Variants in DIAPH2 observed in about 807,000 individuals in gnomAD.
The protein encoded by DIAPH2 is diaphanous related formin 2.
In DIAPH2, 35 loss-of-function variants were observed where a neutral mutation model predicts 92.7. That is an observed-to-expected ratio of 0.38 (90% CI 0.29 to 0.50). DIAPH2 has a LOEUF of 0.50. Among genes scored for constraint, DIAPH2 ranks in the 20% least tolerant of loss-of-function variants. The pLI is 0.94. For missense variants in DIAPH2, 701 were observed against 819.5 expected, an observed-to-expected ratio of 0.86 and a Z score of 1.77; for synonymous variants, 301 against 280.4, an observed-to-expected ratio of 1.07 and a Z score of -0.73.
rs113168080 is a variant in DIAPH2, at chrX:97,599,177, T to G, written c.3242-76T>G. On this transcript the variant is annotated intron_variant, in intron 26 of 26. Coordinates refer to ENST00000324765, the MANE Select transcript of DIAPH2 (RefSeq NM_006729.5). ...TTTTTCAGGACTATTTGAAAACCTT[T>G]CTCAACCTAACATCATGTAATAGCA... The G allele has an allele frequency of 4.0e-4, 283 of 714,530 alleles. No individual in the cohort carries two copies. In the African/African-American group the frequency reaches 5.4e-3, roughly 14 times the overall value. 58.9% of individuals were successfully genotyped at this position (714,530 alleles called of 1,213,427 possible).
At chrX:97,150,505 C>A (rs1234540650) in intron 22 of DIAPH2, among the ~76,000 whole-genome samples, 1 of 111,596 alleles carries the variant, frequency 9.0e-6, no homozygotes, top group Non-Finnish European at 1.9e-5. Context: ...ATCTGTCTTA[C>A]CCTCCTTGTC....
chrX:97,470,218 T>TAC (rs766563577), intron 26 of DIAPH2, among the ~76,000 whole-genome samples: 362 of 111,666 alleles, frequency 3.2e-3, no homozygotes, highest in African/African-American at 0.011. Flanking sequence ...CATGCACACA[T>TAC]ACACACACAC....
At chrX:96,823,569 T>TA (rs2064792620) in intron 4 of DIAPH2, among the ~76,000 whole-genome samples, 1 of 109,847 alleles carries the variant, frequency 9.1e-6, no homozygotes, top group Admixed American at 9.7e-5. Flanking sequence ...TGGTGATTTT[T>TA]AAATTTTCTT....
chrX:97,168,229 G>A (rs6615888), intron 22 of DIAPH2, among the ~76,000 whole-genome samples: 32,218 of 107,918 alleles, frequency 0.3, 4,408 homozygotes, highest in East Asian at 0.6. Context: ...GGGATTACAG[G>A]CGGGTGCCAC....
intron 17 of DIAPH2, among the ~76,000 whole-genome samples, chrX:96,998,437 T>C (rs1602701481): frequency 9.0e-6 from 1 of 111,721 alleles, no homozygotes; most frequent in East Asian, 2.8e-4. Context: ...AAAAAAATGA[T>C]AATGCTCAGT....
intron 26 of DIAPH2, among the ~76,000 whole-genome samples, chrX:97,443,173 T>C (rs912564306): frequency 8.9e-6 from 1 of 112,032 alleles, no homozygotes; most frequent in Non-Finnish European, 1.9e-5. Context: ...AGTGCTAAGA[T>C]TACAAGCGTG....
intron 22 of DIAPH2, among the ~76,000 whole-genome samples, chrX:97,227,900 A>T (rs1037490952): frequency 2.2e-4 from 24 of 111,066 alleles, no homozygotes; most frequent in African/African-American, 4.6e-4. Context: ...AATTAAAAAA[A>T]TTTTTTTTCA....
intron 3 of DIAPH2, among the ~76,000 whole-genome samples, chrX:96,739,708 ACTATTC>A (rs2064107897): frequency 8.9e-6 from 1 of 111,824 alleles, no homozygotes; most frequent in Admixed American, 9.5e-5. Flanking sequence ...ATTTTCCTTG[ACTATTC>A]CTTCCATCTA....
Position 96,795,967 on chromosome X carries a change from A to G in DIAPH2, c.447+37709A>G, listed in dbSNP as rs937114492. Among the ~76,000 whole-genome samples, 50 of 111,002 alleles carry G rather than the reference A, an allele frequency of 4.5e-4. 1 individual carries two copies. The highest frequency in any genetic ancestry group is 1.5e-3 in the African/African-American group (47 of 30,511). On this transcript the variant is annotated intron_variant, in intron 4 of 26. Transcript: ENST00000324765. ...TTGTGTCTGCAGTTTTCACATCTGG[A>G]GACACAACCAACGGAGAAATAGTGG...
intron 4 of DIAPH2, among the ~76,000 whole-genome samples, chrX:96,793,784 C>T (rs1017368695): frequency 8.1e-5 from 9 of 111,258 alleles, no homozygotes; most frequent in African/African-American, 2.6e-4. Flanking sequence ...ATTTATTTTG[C>T]GGGGGACATA....
chrX:96,840,710 G>A (rs1417173330), intron 4 of DIAPH2, among the ~76,000 whole-genome samples: 4 of 110,577 alleles, frequency 3.6e-5, no homozygotes, highest in East Asian at 2.8e-4. Flanking sequence ...CTGGGTTCAC[G>A]CCATTCTCCT....
At chrX:96,812,385 A>G (rs2064691019) in intron 4 of DIAPH2, among the ~76,000 whole-genome samples, 1 of 111,082 alleles carries the variant, frequency 9.0e-6, no homozygotes. Context: ...ATCATTTTTT[A>G]TTGCATCTAT....
chrX:97,083,785 G>A (rs191813047), intron 19 of DIAPH2, among the ~76,000 whole-genome samples: 2 of 111,944 alleles, frequency 1.8e-5, no homozygotes, highest in East Asian at 2.8e-4. Flanking sequence ...TATAAACTTC[G>A]TGACAGGTTT....
At chrX:96,828,099 T>C (rs745757445) in intron 4 of DIAPH2, among the ~76,000 whole-genome samples, 139 of 111,813 alleles carry the variant, frequency 1.2e-3, no homozygotes, top group African/African-American at 4.3e-3. Flanking sequence ...GTTACAACAA[T>C]AGTTTTGAAT....
intron 22 of DIAPH2, among the ~76,000 whole-genome samples, chrX:97,185,474 CATATATATATATATATATATATATAT>C (rs1180330581): frequency 4.8e-4 from 5 of 10,504 alleles, no homozygotes; most frequent in African/African-American, 9.7e-4. Context: ...TATATATACA[CATATATATATATATATATATATATAT>C]ATATATATAT....
chrX:97,571,670 T>C (rs2092284753), intron 26 of DIAPH2, among the ~76,000 whole-genome samples: 2 of 111,058 alleles, frequency 1.8e-5, no homozygotes, highest in Admixed American at 1.9e-4. Context: ...TTTCCGTTTT[T>C]GCTTCCATCT....
At chrX:96,718,332 C>CT (rs1569373693) in intron 1 of DIAPH2, among the ~76,000 whole-genome samples, 4 of 6,829 alleles carry the variant, frequency 5.9e-4, no homozygotes, top group African/African-American at 2.6e-3. Flanking sequence ...ACCACATTTT[C>CT]TTTGTTTTTT....
chrX:97,564,692 C>G (rs1213503872), intron 26 of DIAPH2, among the ~76,000 whole-genome samples: 1 of 111,825 alleles, frequency 8.9e-6, no homozygotes, highest in East Asian at 2.8e-4. Flanking sequence ...TACAAACACT[C>G]AAACCATAGT....
chrX:96,954,960 A>C (rs1272613014), intron 15 of DIAPH2, among the ~76,000 whole-genome samples: 2 of 112,756 alleles, frequency 1.8e-5, no homozygotes, highest in African/African-American at 6.4e-5. Flanking sequence ...CAACTAATCT[A>C]ACTGGCCCAA....
Sources: gnomAD v4.1 joint callset for allele counts (sites outside exome capture counted in the v4.1 genomes callset) on GRCh38, gnomAD v4.1.1 for gene constraint, MANE v1.5 for transcripts, NCBI Gene and HGNC (gene_info 2026-07-23, HGNC 2026-07-21) for gene names.